WDR44: variants seen among roughly 807,000 people sequenced by gnomAD.
WDR44 encodes the protein WD repeat domain 44.
In WDR44, 9 loss-of-function variants were observed where a neutral mutation model predicts 65.7. The ratio of observed to expected loss-of-function variants is 0.14; its 90% confidence interval spans 0.08 to 0.24. The LOEUF (loss-of-function observed/expected upper bound fraction) is 0.24. WDR44 is among the 10% of genes least tolerant of loss of function. The pLI, the probability that WDR44 is intolerant of heterozygous loss-of-function variation, is 1.00. For synonymous variants in WDR44, 220 were observed against 235.2 expected, an observed-to-expected ratio of 0.94 and a Z score of 0.59; for missense variants, 425 against 670.9, an observed-to-expected ratio of 0.63 and a Z score of 4.05.
intron 1 of WDR44, 66 bp downstream of exon 1, chrX:118,346,646 C>G (rs1317207852): frequency 2.3e-6 from 2 of 871,646 alleles, no homozygotes; most frequent in East Asian, 3.6e-5. Flanking sequence ...TGTGTCTTCC[C>G]CCTACACCCC....
At chrX:118,366,915 C>G (rs1465832729) in intron 1 of WDR44, among the ~76,000 whole-genome samples, 1 of 111,224 alleles carries the variant, frequency 9.0e-6, no homozygotes, top group African/African-American at 3.3e-5. Flanking sequence ...GAAACCCCGT[C>G]TCTACTAAAA....
chrX:118,393,992 A>G (rs2056843728), intron 4 of WDR44, 63 bp from the exon 5 acceptor site: 1 of 1,044,005 alleles, frequency 9.6e-7, no homozygotes. Context: ...CTTTCCTCAC[A>G]GGGTTGTTAC....
intron 8 of WDR44, among the ~76,000 whole-genome samples, chrX:118,400,670 GTTT>G (rs57214124): frequency 5.5e-4 from 39 of 70,680 alleles, no homozygotes; most frequent in African/African-American, 1.8e-3. Context: ...AATCAGTTTT[GTTT>G]TTTTTTTTAT....
chrX:118,390,131 A>G (rs926539877), intron 3 of WDR44, among the ~76,000 whole-genome samples: 1 of 109,905 alleles, frequency 9.1e-6, no homozygotes, highest in African/African-American at 3.3e-5. Flanking sequence ...CATGTTGGCC[A>G]GGCTGGTTTT....
In WDR44 at chrX:118,385,657, T is replaced by TA. The variant is rs370670319; in HGVS notation, c.112-1672dup. On this transcript the variant is annotated intron_variant, in intron 2 of 19. Transcript: ENST00000254029. Reference sequence around the variant, plus strand: ...GCACATGTACCCCTGAACTTAAAGTTAAAAAAAAAAAGAAAAATAGGATAA... The same window carrying TA: ...GCACATGTACCCCTGAACTTAAAGTTAAAAAAAAAAAAGAAAAATAGGATAA... Among the ~76,000 whole-genome samples the TA allele has an allele frequency of 2.7e-3, 274 of 103,062 alleles. 2 individuals carry two copies. The highest frequency in any genetic ancestry group is 8.9e-3 in the African/African-American group (253 of 28,523). 89.5% of individuals were successfully genotyped at this position (103,062 alleles called of 115,157 possible). A position where few individuals can be genotyped will look rare whatever the true frequency, so the allele number is the denominator to read the frequency against.
intron 12 of WDR44, among the ~76,000 whole-genome samples, chrX:118,419,987 C>T (rs1051837287): frequency 1.7e-4 from 19 of 111,373 alleles, no homozygotes; most frequent in African/African-American, 5.6e-4. Flanking sequence ...AAAAATACTC[C>T]ATTACTTTTT....
chrX:118,443,896 A>T (rs1229283581), intron 18 of WDR44, among the ~76,000 whole-genome samples: 2 of 110,903 alleles, frequency 1.8e-5, no homozygotes, highest in South Asian at 7.7e-4. Flanking sequence ...TACAAAAAAA[A>T]TTAGCCGGGC....
chrX:118,442,428 T>C, intron 16 of WDR44, 83 bp downstream of exon 16: 2 of 981,897 alleles, frequency 2.0e-6, no homozygotes, highest in Non-Finnish European at 2.9e-6. Flanking sequence ...AAAAATGTAT[T>C]CTCTTTGTTG....
At chrX:118,442,753 A>G in intron 17 of WDR44, 73 bp downstream of exon 17, 8 of 846,454 alleles carry the variant, frequency 9.5e-6, no homozygotes, top group Non-Finnish European at 1.4e-5. Context: ...CCATTGGTCT[A>G]TGCCTTATGT....
chrX:118,382,123 C>T (rs1332394408), intron 2 of WDR44, among the ~76,000 whole-genome samples: 3 of 112,088 alleles, frequency 2.7e-5, no homozygotes, highest in African/African-American at 6.5e-5. Context: ...CCTCCCTTGG[C>T]CTCCCAAAGC....
At chrX:118,412,224 A>AGGCTAGT (rs1480574934) in intron 12 of WDR44, among the ~76,000 whole-genome samples, 1 of 111,742 alleles carries the variant, frequency 8.9e-6, no homozygotes, top group African/African-American at 3.3e-5. Flanking sequence ...TACTACAAGG[A>AGGCTAGT]ATTACACATG....
chrX:118,424,388 A>G (rs964653185), intron 12 of WDR44, among the ~76,000 whole-genome samples: 2 of 99,687 alleles, frequency 2.0e-5, no homozygotes, highest in African/African-American at 7.7e-5. Flanking sequence ...GTGTGAGGTG[A>G]TATATCATTG....
chrX:118,439,223 G>A (rs1259123100), intron 14 of WDR44, among the ~76,000 whole-genome samples: 3 of 109,995 alleles, frequency 2.7e-5, no homozygotes, highest in Non-Finnish European at 5.7e-5. Flanking sequence ...TTTTTTTGGG[G>A]GGGAAATATG....
chrX:118,397,212 T>G (rs971847216), intron 7 of WDR44, 106 bp downstream of exon 7: 1 of 696,717 alleles, frequency 1.4e-6, no homozygotes, highest in Non-Finnish European at 2.0e-6. Context: ...TCAGTCTTTT[T>G]TCTTCTGGAA....
intron 1 of WDR44, among the ~76,000 whole-genome samples, chrX:118,349,312 T>C (rs932123870): frequency 6.6e-5 from 7 of 106,163 alleles, no homozygotes; most frequent in African/African-American, 2.4e-4. Context: ...GGTGGTGAGA[T>C]CATGGCTCAC....
chrX:118,418,245 G>T (rs933243294), intron 12 of WDR44, among the ~76,000 whole-genome samples: 7 of 111,049 alleles, frequency 6.3e-5, no homozygotes, highest in Admixed American at 1.9e-4. Flanking sequence ...GTGATTTTTC[G>T]GGGGTTGTTA....
At chrX:118,426,519 A>G (rs1387080596) in intron 12 of WDR44, among the ~76,000 whole-genome samples, 1 of 110,911 alleles carries the variant, frequency 9.0e-6, no homozygotes, top group Non-Finnish European at 1.9e-5. Flanking sequence ...CCAGGCAACA[A>G]AGAGAGACCC....
chrX:118,412,157 G>A (rs1241902619), intron 12 of WDR44, among the ~76,000 whole-genome samples: 3 of 112,149 alleles, frequency 2.7e-5, no homozygotes, highest in African/African-American at 9.7e-5. Context: ...AAAGGAAGGA[G>A]CGTGTCAGAC....
At position 118,378,709 on chromosome X, in the gene WDR44, C is replaced by CGTGT. The variant is rs61698360; in HGVS notation, c.111+280_111+283dup. Among the ~76,000 whole-genome samples, 530 of 94,446 alleles carry CGTGT rather than the reference C, an allele frequency of 5.6e-3. 7 individuals carry two copies. The highest frequency in any genetic ancestry group is 0.019 in the African/African-American group (446 of 23,206). 82.0% of individuals were successfully genotyped at this position (94,446 alleles called of 115,157 possible). ...GTTTATAATATCTAGAATAAAAGAA[C>CGTGT]GTGTGTGTGTGTGTGTGTGTGTGTG... On this transcript the variant is annotated intron_variant, in intron 2 of 19. Coordinates refer to ENST00000254029, the MANE Select transcript of WDR44 (RefSeq NM_019045.5).
Sources: gnomAD v4.1 joint callset for allele counts (sites outside exome capture counted in the v4.1 genomes callset) on GRCh38, gnomAD v4.1.1 for gene constraint, MANE v1.5 for transcripts, NCBI Gene and HGNC (gene_info 2026-07-23, HGNC 2026-07-21) for gene names.